KSR2: variants seen among roughly 807,000 people sequenced by gnomAD.
KSR2 encodes the protein kinase suppressor of ras 2.
KSR2 carries 25 observed loss-of-function variants against 107.8 expected under a neutral mutation model. The observed-to-expected ratio is 0.23, with a 90% CI of 0.17 to 0.32. KSR2 has a LOEUF of 0.32. Among genes scored for constraint, KSR2 ranks in the 10% least tolerant of loss-of-function variants. The pLI, the probability that KSR2 is intolerant of heterozygous loss-of-function variation, is 1.00. For synonymous variants in KSR2, 480 were observed against 507.0 expected, an observed-to-expected ratio of 0.95 and a Z score of 0.71; for missense variants, 887 against 1,268.9, an observed-to-expected ratio of 0.70 and a Z score of 4.57.
chr12:117,753,496 G>C (rs145024466), intron 4 of KSR2, among the ~76,000 whole-genome samples: 1 of 152,276 alleles, frequency 6.6e-6, no homozygotes, highest in Admixed American at 6.5e-5. Context: ...AATAGAACAA[G>C]ATCATGTCCT....
chr12:117,559,070 G>GGATA (rs1371894556), intron 7 of KSR2, among the ~76,000 whole-genome samples: 1 of 151,572 alleles, frequency 6.6e-6, no homozygotes, highest in Non-Finnish European at 1.5e-5. Flanking sequence ...ATGGATGGAT[G>GGATA]GATGGATGGA....
chr12:117,611,134 C>A (rs1416866718), intron 5 of KSR2, among the ~76,000 whole-genome samples: 1 of 152,102 alleles, frequency 6.6e-6, no homozygotes, highest in Non-Finnish European at 1.5e-5. Flanking sequence ...ATAGTAATGA[C>A]AATGACTTAA....
chr12:117,897,540 C>T lies in KSR2; in HGVS notation c.181-37109G>A, dbSNP rs920314899. On this transcript the variant is annotated intron_variant, in intron 1 of 19. Transcript: ENST00000339824. The surrounding 1 kb of genome is among the most constrained non-coding windows in gnomAD (Gnocchi z 4.5). ...GGAGAGGGGCCGCACTCTGTCTTCA[C>T]GCTGTCCCCATTAGCTGGCTGAACA... Among the ~76,000 whole-genome samples, 3 of 152,142 alleles carry T rather than the reference C, an allele frequency of 2.0e-5. No homozygotes were observed. Among genetic ancestry groups the T allele is most frequent in the South Asian group, 2.1e-4 (1 of 4,820 alleles).
chr12:117,939,584 C>T (rs575648443), intron 1 of KSR2, among the ~76,000 whole-genome samples: 4 of 152,138 alleles, frequency 2.6e-5, no homozygotes, highest in South Asian at 4.2e-4. Context: ...TGGTGGCGGA[C>T]GCCTGTAATC....
intron 4 of KSR2, among the ~76,000 whole-genome samples, chr12:117,707,668 C>A (rs1240614361): frequency 6.6e-6 from 1 of 152,138 alleles, no homozygotes; most frequent in Non-Finnish European, 1.5e-5. Flanking sequence ...GTGAGCCAGG[C>A]GCACACTCCG....
At chr12:117,847,525 C>T (rs77039797) in intron 3 of KSR2, among the ~76,000 whole-genome samples, 11,652 of 152,288 alleles carry the variant, frequency 0.077, 460 homozygotes, top group East Asian at 0.13. Context: ...CTCCGTGGCT[C>T]CCTGAGCCCC....
intron 16 of KSR2, 54 bp downstream of exon 16, chr12:117,484,362 C>T (rs1259823127): frequency 1.2e-6 from 2 of 1,601,366 alleles, no homozygotes; most frequent in African/African-American, 2.7e-5. Flanking sequence ...TAACTTCCCA[C>T]CTCCTGACCA....
intron 5 of KSR2, among the ~76,000 whole-genome samples, chr12:117,588,156 A>C (rs1423864288): frequency 6.6e-6 from 1 of 152,162 alleles, no homozygotes; most frequent in African/African-American, 2.4e-5. Context: ...CATTGGCCCC[A>C]CAGCCTGTAT....
chr12:117,812,879 C>G (rs920278189), intron 3 of KSR2, among the ~76,000 whole-genome samples: 1 of 108,098 alleles, frequency 9.3e-6, no homozygotes, highest in Non-Finnish European at 1.8e-5. Context: ...GCAAAAAGAA[C>G]AAAGCTGGAG....
chr12:117,890,045 C>A (rs1170484931), intron 1 of KSR2, among the ~76,000 whole-genome samples: 3 of 152,246 alleles, frequency 2.0e-5, no homozygotes. Flanking sequence ...CTCCCTGCCA[C>A]AGCTGCTGAC....
intron 4 of KSR2, among the ~76,000 whole-genome samples, chr12:117,759,879 G>A (rs1035553372): frequency 8.5e-5 from 13 of 152,206 alleles, no homozygotes; most frequent in African/African-American, 2.4e-4. Flanking sequence ...AGGCCAAGGC[G>A]GGCAGATCAT....
At chr12:117,805,089 G>A (rs1300650488) in intron 3 of KSR2, among the ~76,000 whole-genome samples, 1 of 152,170 alleles carries the variant, frequency 6.6e-6, no homozygotes, top group African/African-American at 2.4e-5. Context: ...GGAACACCCT[G>A]GGTAAACTGG....
At chr12:117,591,368 C>T (rs529046491) in intron 5 of KSR2, among the ~76,000 whole-genome samples, 2 of 152,242 alleles carry the variant, frequency 1.3e-5, no homozygotes, top group East Asian at 3.9e-4. Context: ...ACATGCTGAT[C>T]CCAGGCAGAA....
At chr12:117,592,413 C>T (rs1000941758) in intron 5 of KSR2, among the ~76,000 whole-genome samples, 3 of 152,084 alleles carry the variant, frequency 2.0e-5, no homozygotes, top group African/African-American at 7.2e-5. Flanking sequence ...CGTGCCTGGC[C>T]CACTTTCCCC....
At chr12:117,722,934 C>A (rs184608619) in intron 4 of KSR2, among the ~76,000 whole-genome samples, 1 of 152,104 alleles carries the variant, frequency 6.6e-6, no homozygotes, top group Non-Finnish European at 1.5e-5. Flanking sequence ...CAAGAGAGTG[C>A]GAGAAGTATC....
chr12:117,863,352 G>A (rs1423749042), intron 1 of KSR2, among the ~76,000 whole-genome samples: 1 of 152,170 alleles, frequency 6.6e-6, no homozygotes, highest in Non-Finnish European at 1.5e-5. Flanking sequence ...CCATCTGGAA[G>A]CCTCCTGACA....
chr12:117,715,064 G>C (rs1886926902), intron 4 of KSR2, among the ~76,000 whole-genome samples: 1 of 152,082 alleles, frequency 6.6e-6, no homozygotes, highest in African/African-American at 2.4e-5. Context: ...GGGGATTCTT[G>C]CTTTTCTGTG....
At chr12:117,490,560 T>C (rs1872694054) in intron 14 of KSR2, among the ~76,000 whole-genome samples, 1 of 152,210 alleles carries the variant, frequency 6.6e-6, no homozygotes, top group Non-Finnish European at 1.5e-5. Context: ...ATAAAATAAA[T>C]GGTGAATATT....
intron 12 of KSR2, among the ~76,000 whole-genome samples, chr12:117,528,244 T>C (rs1875361211): frequency 6.6e-6 from 1 of 151,992 alleles, no homozygotes; most frequent in Admixed American, 6.6e-5. Flanking sequence ...GCATGTGACA[T>C]TTGACATGTG....
Sources: allele counts gnomAD v4.1 joint callset (sites outside exome capture counted in the v4.1 genomes callset), GRCh38; gene constraint gnomAD v4.1.1; non-coding constraint Gnocchi (gnomAD v3.1); transcripts MANE v1.5; gene names NCBI Gene and HGNC (gene_info 2026-07-23, HGNC 2026-07-21).